Variants in ZNF804B observed in about 807,000 individuals in gnomAD.
ZNF804B encodes zinc finger 804B.
A neutral mutation model predicts 101.4 loss-of-function variants in ZNF804B; 80 were observed. That is an observed-to-expected ratio of 0.79 (90% CI 0.66 to 0.95). The LOEUF is 0.95. Ranked by LOEUF, ZNF804B falls within the 40% of genes least tolerant of loss-of-function variation. The pLI is 0.00. For synonymous variants in ZNF804B, 622 were observed against 558.8 expected (o/e 1.11, Z -1.59); for missense variants, 1,673 against 1,561.9 (o/e 1.07, Z -1.20).
chr7:88,960,535 G>C (rs921620966), intron 1 of ZNF804B, among the ~76,000 whole-genome samples: 1 of 149,406 alleles, frequency 6.7e-6, no homozygotes, highest in Non-Finnish European at 1.5e-5. Flanking sequence ...GGAGGGATAA[G>C]AAATGGGGCA....
chr7:88,857,470 G>T (rs1324102547), intron 1 of ZNF804B, among the ~76,000 whole-genome samples: 2 of 152,086 alleles, frequency 1.3e-5, no homozygotes, highest in Non-Finnish European at 2.9e-5. Flanking sequence ...TACCATCAGA[G>T]AATACTATCA....
intron 1 of ZNF804B, among the ~76,000 whole-genome samples, chr7:89,196,119 A>G (rs1442631647): frequency 7.2e-5 from 11 of 152,176 alleles, no homozygotes; most frequent in African/African-American, 2.7e-4. Context: ...TGTAAAGAAC[A>G]AAGCTGGAGG....
intron 2 of ZNF804B, among the ~76,000 whole-genome samples, chr7:89,308,062 G>T (rs1279405602): frequency 6.6e-6 from 1 of 152,004 alleles, no homozygotes; most frequent in Non-Finnish European, 1.5e-5. Context: ...AAAGACTTCT[G>T]ATCAGTTTCA....
chr7:88,827,434 T>G (rs1369227484), intron 1 of ZNF804B, among the ~76,000 whole-genome samples: 2 of 70,916 alleles, frequency 2.8e-5, no homozygotes, highest in African/African-American at 8.0e-5. Context: ...ATATATGTGT[T>G]TTTTTTTTTA....
chr7:89,161,154 C>T (rs902365339), intron 1 of ZNF804B, among the ~76,000 whole-genome samples: 1 of 152,006 alleles, frequency 6.6e-6, no homozygotes. Context: ...TACAACTGTG[C>T]AGAGAAACCT....
intron 1 of ZNF804B, among the ~76,000 whole-genome samples, chr7:89,095,164 A>G (rs888553115): frequency 2.0e-5 from 3 of 152,118 alleles, no homozygotes; most frequent in South Asian, 4.1e-4. Context: ...TTCATTAATG[A>G]GACTAAATGC....
At chr7:89,237,119 G>A (rs1392961037) in intron 2 of ZNF804B, among the ~76,000 whole-genome samples, 1 of 152,000 alleles carries the variant, frequency 6.6e-6, no homozygotes, top group Non-Finnish European at 1.5e-5. Context: ...AAAAAAAATT[G>A]TGAAGAAACT....
intron 2 of ZNF804B, among the ~76,000 whole-genome samples, chr7:89,284,268 T>G (rs1017445629): frequency 6.6e-6 from 1 of 152,212 alleles, no homozygotes; most frequent in Non-Finnish European, 1.5e-5. Context: ...CATCTTCATG[T>G]GGGAAGTTCA....
intron 1 of ZNF804B, among the ~76,000 whole-genome samples, chr7:89,186,849 T>G (rs1304989080): frequency 1.3e-5 from 2 of 152,178 alleles, no homozygotes; most frequent in Non-Finnish European, 2.9e-5. Flanking sequence ...GTTGCATTTT[T>G]GGGGAACTGA....
chr7:89,210,052 G>T (rs544211187), intron 1 of ZNF804B, among the ~76,000 whole-genome samples: 3 of 152,078 alleles, frequency 2.0e-5, no homozygotes, highest in South Asian at 2.1e-4. Context: ...AGGAGGCTGA[G>T]GCAGGAGAAT....
chr7:88,802,106 C>T (rs1583945674), intron 1 of ZNF804B, among the ~76,000 whole-genome samples: 1 of 151,958 alleles, frequency 6.6e-6, no homozygotes, highest in Admixed American at 6.6e-5. Flanking sequence ...CTCCTGTGCT[C>T]GCTCCCTCCC....
intron 1 of ZNF804B, among the ~76,000 whole-genome samples, chr7:88,873,147 T>G (rs933542534): frequency 7.2e-5 from 11 of 152,318 alleles, no homozygotes; most frequent in South Asian, 2.1e-4. Context: ...TCCTGGCTTT[T>G]TAATGATTGC....
At chr7:89,020,920 G>C (rs1339836340) in intron 1 of ZNF804B, among the ~76,000 whole-genome samples, 4 of 151,992 alleles carry the variant, frequency 2.6e-5, no homozygotes, top group Non-Finnish European at 5.9e-5. Context: ...ATTTCCTTAA[G>C]ATTATTATTT....
intron 1 of ZNF804B, among the ~76,000 whole-genome samples, chr7:88,855,758 A>G (rs945267576): frequency 6.6e-6 from 1 of 152,132 alleles, no homozygotes; most frequent in Non-Finnish European, 1.5e-5. Flanking sequence ...TAAGTCTTTA[A>G]TCCATCTTGA....
intron 1 of ZNF804B, among the ~76,000 whole-genome samples, chr7:88,782,052 C>T (rs552494489): frequency 1.1e-4 from 16 of 151,718 alleles, no homozygotes; most frequent in African/African-American, 3.6e-4. Flanking sequence ...TATAAAAGGG[C>T]TTTCTACACC....
At chr7:88,782,183 G>C (rs1790239517) in intron 1 of ZNF804B, among the ~76,000 whole-genome samples, 1 of 151,604 alleles carries the variant, frequency 6.6e-6, no homozygotes, top group Non-Finnish European at 1.5e-5. Context: ...GGGTTGGGGA[G>C]GAGAGGGTGA....
chr7:89,159,982 C>T (rs1469054716), intron 1 of ZNF804B, among the ~76,000 whole-genome samples: 3 of 151,966 alleles, frequency 2.0e-5, no homozygotes, highest in East Asian at 1.9e-4. Flanking sequence ...TCTAGCTGAG[C>T]GATGATATAA....
chr7:89,065,039 G>GA (rs1310372229), intron 1 of ZNF804B, among the ~76,000 whole-genome samples: 1 of 151,376 alleles, frequency 6.6e-6, no homozygotes, highest in Non-Finnish European at 1.5e-5. Context: ...CAGTTTGGAG[G>GA]AAAAAAATCA....
At chr7:89,306,000 A>C (rs1790556984) in intron 2 of ZNF804B, among the ~76,000 whole-genome samples, 1 of 152,072 alleles carries the variant, frequency 6.6e-6, no homozygotes, top group East Asian at 1.9e-4. Flanking sequence ...AATTGTCCCA[A>C]TTTTGAATTA....
Sources: allele counts gnomAD v4.1 joint callset (sites outside exome capture counted in the v4.1 genomes callset), GRCh38; gene constraint gnomAD v4.1.1; transcripts MANE v1.5; gene names NCBI Gene and HGNC (gene_info 2026-07-23, HGNC 2026-07-21).